Variants in IQCM observed in about 807,000 individuals in gnomAD.
IQCM encodes the protein IQ domain-containing protein M.
A neutral mutation model predicts 57.6 loss-of-function variants in IQCM; 45 were observed. That is an observed-to-expected ratio of 0.78 (90% CI 0.62 to 1.00). The LOEUF (loss-of-function observed/expected upper bound fraction) is 1.00. IQCM is among the 50% of genes least tolerant of loss of function. IQCM has a pLI of 0.00. For missense variants in IQCM, 468 were observed against 511.6 expected, an observed-to-expected ratio of 0.91 and a Z score of 0.82; for synonymous variants, 148 against 158.9, an observed-to-expected ratio of 0.93 and a Z score of 0.51.
chr4:149,392,709 A>G (rs1731952241), intron 13 of IQCM, among the ~76,000 whole-genome samples: 1 of 152,042 alleles, frequency 6.6e-6, no homozygotes, highest in African/African-American at 2.4e-5. Context: ...AATCTTTGCC[A>G]AGGGATTTAT....
intron 5 of IQCM, among the ~76,000 whole-genome samples, chr4:149,730,471 G>A (rs1302279687): frequency 6.6e-6 from 1 of 152,096 alleles, no homozygotes; most frequent in African/African-American, 2.4e-5. Context: ...AAAATTCAGT[G>A]TTGTTCAGTA....
chr4:149,682,752 A>T (rs1762272821), intron 6 of IQCM, among the ~76,000 whole-genome samples: 1 of 151,086 alleles, frequency 6.6e-6, no homozygotes, highest in African/African-American at 2.4e-5. Context: ...TATATGTTTT[A>T]CCTGATTTAT....
intron 5 of IQCM, among the ~76,000 whole-genome samples, chr4:149,707,233 G>T (rs1764226241): frequency 6.6e-6 from 1 of 152,022 alleles, no homozygotes; most frequent in Admixed American, 6.6e-5. Flanking sequence ...TGCAGTGCCT[G>T]CCATGTCATT....
At chr4:149,412,121 G>T (rs1362104255) in intron 13 of IQCM, among the ~76,000 whole-genome samples, 2 of 151,058 alleles carry the variant, frequency 1.3e-5, no homozygotes, top group African/African-American at 4.9e-5. Context: ...TCCCACACTT[G>T]CTCACCTTGC....
Position 149,653,051 on chromosome 4 carries a change from G to A in IQCM, c.565+29067C>T, listed in dbSNP as rs138615580. On this transcript the variant is annotated intron_variant, in intron 7 of 13. Transcript: ENST00000636793. ...GAAAAATGTTGACAAAATATTCAAG[G>A]AAAATAAGTGTAACATGAGATTTTT... is the stretch of plus-strand genomic sequence containing the variant. 2.7e-3 allele frequency among the ~76,000 whole-genome samples: 404 copies of A among 152,248 alleles called. 4 individuals are homozygous for A. The highest frequency in any genetic ancestry group is 9.3e-3 in the African/African-American group (385 of 41,568).
intron 13 of IQCM, among the ~76,000 whole-genome samples, chr4:149,401,608 T>A (rs1476657614): frequency 6.6e-6 from 1 of 151,842 alleles, no homozygotes; most frequent in African/African-American, 2.4e-5. Flanking sequence ...TATTTACCTT[T>A]GCTGTGAAGA....
At chr4:149,504,342 C>G (rs1389643833) in intron 12 of IQCM, among the ~76,000 whole-genome samples, 1 of 152,084 alleles carries the variant, frequency 6.6e-6, no homozygotes, top group East Asian at 1.9e-4. Flanking sequence ...ACAATATAGA[C>G]AAATCATCCA....
Position 149,553,175 on chromosome 4 carries a change from G to A in IQCM, c.1061C>T (p.Ala354Val). The change falls in exon 11 of 14, where the codon GCA becomes GTA. Residue 354 changes from alanine (A) to valine (V), a missense_variant. By Grantham distance (64) the Ala-to-Val change is moderately conservative. Coordinates refer to ENST00000636793, the MANE Select transcript of IQCM (RefSeq NM_001363507.2). Reference sequence around the variant, plus strand: ...TCGGTCCATCCACTCCTCTAGCTCTGCTAAGTTGAGAATTTGTCTTGTCCT... The same window carrying A: ...TCGGTCCATCCACTCCTCTAGCTCTACTAAGTTGAGAATTTGTCTTGTCCT... Reference protein sequence around the residue: ...LWRTRQILNLAELEEWMDRKK... With the variant: ...LWRTRQILNLVELEEWMDRKK... 4.1e-6 allele frequency: 5 copies of A among 1,231,930 alleles called. No individual in the cohort carries two copies. The highest frequency in any genetic ancestry group is 5.1e-6 in the Non-Finnish European group (5 of 987,856). The allele number at this position is 1,231,930 out of a possible 1,614,324, so 76.3% of individuals were successfully genotyped here.
intron 7 of IQCM, among the ~76,000 whole-genome samples, chr4:149,638,219 A>G (rs1757886776): frequency 6.6e-6 from 1 of 152,220 alleles, no homozygotes. Context: ...TGTGTAAAAT[A>G]AAACCCCAAT....
At chr4:149,383,681 T>C (rs1156273614) in intron 13 of IQCM, among the ~76,000 whole-genome samples, 1 of 152,078 alleles carries the variant, frequency 6.6e-6, no homozygotes, top group Admixed American at 6.6e-5. Flanking sequence ...AAGCCGTGCA[T>C]GGTGGCTTAC....
At chr4:149,474,921 G>C (rs532269519) in intron 12 of IQCM, among the ~76,000 whole-genome samples, 1 of 152,052 alleles carries the variant, frequency 6.6e-6, no homozygotes, top group Non-Finnish European at 1.5e-5. Flanking sequence ...GAAGTAGAGT[G>C]AGGAGGAAAG....
At chr4:149,627,249 C>T (rs943763766) in intron 7 of IQCM, among the ~76,000 whole-genome samples, 1 of 152,140 alleles carries the variant, frequency 6.6e-6, no homozygotes, top group Non-Finnish European at 1.5e-5. Context: ...TCCACCTCAG[C>T]AGAGCTCAAC....
At chr4:149,546,152 C>CT (rs1560974774) in intron 12 of IQCM, among the ~76,000 whole-genome samples, 1 of 152,148 alleles carries the variant, frequency 6.6e-6, no homozygotes, top group Non-Finnish European at 1.5e-5. Flanking sequence ...ATGAACTCAT[C>CT]TTTTTTATGG....
intron 9 of IQCM, among the ~76,000 whole-genome samples, chr4:149,579,698 A>G (rs1260157540): frequency 1.3e-5 from 2 of 151,866 alleles, no homozygotes; most frequent in African/African-American, 4.8e-5. Context: ...CATACCACTG[A>G]GAAGTAATCC....
At chr4:149,640,905 G>A (rs896808546) in intron 7 of IQCM, among the ~76,000 whole-genome samples, 3 of 152,138 alleles carry the variant, frequency 2.0e-5, no homozygotes, top group Non-Finnish European at 4.4e-5. Context: ...CGAGGCCAGT[G>A]GATCATCTAA....
At chr4:149,478,809 T>C (rs1740479854) in intron 12 of IQCM, among the ~76,000 whole-genome samples, 1 of 152,052 alleles carries the variant, frequency 6.6e-6, no homozygotes, top group Admixed American at 6.6e-5. Flanking sequence ...GCCAAATCAG[T>C]TAGTTATAAT....
chr4:149,677,447 C>T (rs1207973324), intron 7 of IQCM, among the ~76,000 whole-genome samples: 3 of 151,970 alleles, frequency 2.0e-5, no homozygotes, highest in Admixed American at 2.0e-4. Flanking sequence ...AGAGCTGAGA[C>T]AAATCTGGGC....
At chr4:149,466,922 C>T (rs998798543) in intron 12 of IQCM, among the ~76,000 whole-genome samples, 24 of 152,122 alleles carry the variant, frequency 1.6e-4, no homozygotes, top group Admixed American at 1.4e-3. Flanking sequence ...AAAAGCCTCC[C>T]TCCAGCTTCT....
chr4:149,515,508 A>G (rs1744862676), intron 12 of IQCM, among the ~76,000 whole-genome samples: 1 of 152,084 alleles, frequency 6.6e-6, no homozygotes, highest in African/African-American at 2.4e-5. Flanking sequence ...TCTCATGGGG[A>G]GTTCTCTATG....
Sources: gnomAD v4.1 joint callset for allele counts (sites outside exome capture counted in the v4.1 genomes callset) on GRCh38, gnomAD v4.1.1 for gene constraint, MANE v1.5 for transcripts, NCBI Gene and HGNC (gene_info 2026-07-23, HGNC 2026-07-21) for gene names.